Variants in NPAS3 observed in about 807,000 individuals in gnomAD.
NPAS3 encodes neuronal PAS domain-containing protein 3.
A neutral mutation model predicts 73.1 loss-of-function variants in NPAS3; 14 were observed. The observed-to-expected ratio is 0.19, with a 90% CI of 0.13 to 0.30. The LOEUF is 0.30. Ranked by LOEUF, NPAS3 falls within the 10% of genes least tolerant of loss-of-function variation. The probability of loss-of-function intolerance (pLI) is 1.00; values close to 1 mark genes in which losing one functional copy is unlikely to be tolerated. For missense variants in NPAS3, 1,096 were observed against 1,250.0 expected, an observed-to-expected ratio of 0.88 and a Z score of 1.86; for synonymous variants, 620 against 541.5, an observed-to-expected ratio of 1.14 and a Z score of -2.01.
intron 3 of NPAS3, among the ~76,000 whole-genome samples, chr14:33,303,568 G>C (rs1231161285): frequency 1.3e-5 from 2 of 151,952 alleles, no homozygotes; most frequent in African/African-American, 4.8e-5. Flanking sequence ...CAAAACTTTT[G>C]GGGAACAATG....
intron 2 of NPAS3, among the ~76,000 whole-genome samples, chr14:33,126,149 T>C (rs922458942): frequency 1.3e-4 from 20 of 152,332 alleles, no homozygotes; most frequent in African/African-American, 4.8e-4. Context: ...CATTGTTCAG[T>C]TTTAAAAATT....
intron 4 of NPAS3, among the ~76,000 whole-genome samples, chr14:33,441,688 ACATAT>A (rs1224038241): frequency 2.6e-5 from 4 of 152,232 alleles, no homozygotes; most frequent in African/African-American, 9.6e-5. Context: ...GCTAATAAAG[ACATAT>A]CCGAGACTGG....
At chr14:33,029,872 C>A (rs2039930700) in intron 1 of NPAS3, among the ~76,000 whole-genome samples, 2 of 152,166 alleles carry the variant, frequency 1.3e-5, no homozygotes, top group South Asian at 4.1e-4. Flanking sequence ...AATATTTGCC[C>A]TCCAAATGGA....
rs77282222 is a variant in NPAS3 at position 33,291,413 on chromosome 14, A to G, written c.386-75773A>G. ...TGATGGTAATGCAGGCCAGGGCCAT[A>G]TTAAACAAGCAGTCTGTCATTAATA... On this transcript the variant is annotated intron_variant, in intron 3 of 11. Coordinates refer to ENST00000356141, the Ensembl canonical transcript of NPAS3. Among the ~76,000 whole-genome samples the G allele has an allele frequency of 6.8e-3, 1,031 of 152,324 alleles. 4 individuals carry two copies. The highest frequency in any genetic ancestry group is 0.011 in the Non-Finnish European group (754 of 68,030).
intron 3 of NPAS3, among the ~76,000 whole-genome samples, chr14:33,263,967 G>A (rs2049072902): frequency 6.6e-6 from 1 of 152,108 alleles, no homozygotes; most frequent in South Asian, 2.1e-4. Flanking sequence ...AAGGACACAT[G>A]CACACATATG....
In NPAS3 at chr14:33,238,965, C is replaced by A. The variant is rs142547034; in HGVS notation, c.385+23539C>A. Among the ~76,000 whole-genome samples, 6 of 152,032 alleles carry A rather than the reference C, an allele frequency of 3.9e-5. No individual in the cohort carries two copies. The East Asian group carries it at 1.2e-3, about 29-fold the overall frequency. ...TACTAAGAGTTAAAACAAATCACTG[C>A]TGCTTATCAGTTGTCCTTCACATTT... On this transcript the variant is annotated intron_variant, in intron 3 of 11. Coordinates refer to ENST00000356141, the Ensembl canonical transcript of NPAS3.
At chr14:33,520,468 TG>T (rs1426681882) in intron 4 of NPAS3, among the ~76,000 whole-genome samples, 2 of 152,036 alleles carry the variant, frequency 1.3e-5, no homozygotes, top group Non-Finnish European at 2.9e-5. Context: ...GTGATTTATC[TG>T]GGGGAAGAAA....
chr14:33,189,306 G>A (rs1370624566), intron 2 of NPAS3, among the ~76,000 whole-genome samples: 1 of 152,184 alleles, frequency 6.6e-6, no homozygotes, highest in Non-Finnish European at 1.5e-5. Context: ...GGACAAAGGT[G>A]TTTGAATTTC....
At chr14:33,718,994 G>A (rs1359100557) in intron 6 of NPAS3, among the ~76,000 whole-genome samples, 1 of 152,064 alleles carries the variant, frequency 6.6e-6, no homozygotes, top group East Asian at 1.9e-4. Context: ...CAGGTGTGGT[G>A]GTGTGCATCT....
At chr14:33,215,971 C>T (rs557158467) in intron 3 of NPAS3, among the ~76,000 whole-genome samples, 2 of 152,204 alleles carry the variant, frequency 1.3e-5, no homozygotes, top group Non-Finnish European at 2.9e-5. Flanking sequence ...TTATTCAAAT[C>T]CTTGATGCAG....
At chr14:33,194,444 G>T (rs1457433947) in intron 2 of NPAS3, among the ~76,000 whole-genome samples, 3 of 152,116 alleles carry the variant, frequency 2.0e-5, no homozygotes, top group African/African-American at 7.2e-5. Flanking sequence ...AAAATGTGCT[G>T]CCTCAGTCTA....
chr14:33,361,553 G>T (rs1218342046), intron 3 of NPAS3, among the ~76,000 whole-genome samples: 1 of 152,178 alleles, frequency 6.6e-6, no homozygotes, highest in Non-Finnish European at 1.5e-5. Context: ...AATTTGCACA[G>T]TCGCCTCATC....
chr14:33,499,948 T>G (rs2052428319), intron 4 of NPAS3, among the ~76,000 whole-genome samples: 1 of 152,006 alleles, frequency 6.6e-6, no homozygotes, highest in East Asian at 1.9e-4. Context: ...GTTTTGTTTC[T>G]GTCTTGTGGA....
chr14:33,420,504 GT>G (rs78438641), intron 4 of NPAS3, among the ~76,000 whole-genome samples: 24 of 148,838 alleles, frequency 1.6e-4, no homozygotes, highest in East Asian at 5.9e-4. Flanking sequence ...TTTTCCCTGT[GT>G]TTTTTTTTTA....
intron 3 of NPAS3, among the ~76,000 whole-genome samples, chr14:33,326,049 T>A (rs187427859): frequency 1.3e-5 from 2 of 151,452 alleles, no homozygotes; most frequent in Non-Finnish European, 2.9e-5. Flanking sequence ...TTTTGTTTTT[T>A]AGAATTTGCT....
chr14:33,355,012 C>T (rs193123623), intron 3 of NPAS3, among the ~76,000 whole-genome samples: 132 of 151,982 alleles, frequency 8.7e-4, no homozygotes, highest in Middle Eastern at 3.4e-3. Flanking sequence ...AGATGGATGC[C>T]GAATGCCGTG....
chr14:33,048,475 A>C (rs1222851555), intron 1 of NPAS3, among the ~76,000 whole-genome samples: 1 of 152,202 alleles, frequency 6.6e-6, no homozygotes, highest in African/African-American at 2.4e-5. Flanking sequence ...CTTTTTCCCC[A>C]GGCATTGTTC....
At chr14:33,525,421 T>A (rs1405063735) in intron 4 of NPAS3, among the ~76,000 whole-genome samples, 1 of 152,222 alleles carries the variant, frequency 6.6e-6, no homozygotes, top group Non-Finnish European at 1.5e-5. Flanking sequence ...AGAGTATTTT[T>A]TAGCAAGCAT....
intron 5 of NPAS3, among the ~76,000 whole-genome samples, chr14:33,570,547 G>A (rs1193610406): frequency 6.6e-6 from 1 of 152,178 alleles, no homozygotes; most frequent in Non-Finnish European, 1.5e-5. Context: ...ATTAATTAAA[G>A]TTGACGTTGC....
Sources: gnomAD v4.1 joint callset for allele counts (sites outside exome capture counted in the v4.1 genomes callset) on GRCh38, gnomAD v4.1.1 for gene constraint, MANE v1.5 for transcripts, NCBI Gene and HGNC (gene_info 2026-07-23, HGNC 2026-07-21) for gene names.